Variants in CSMD1 observed in about 807,000 individuals in gnomAD.
CSMD1 encodes CUB and sushi domain-containing protein 1.
A neutral mutation model predicts 417.5 loss-of-function variants in CSMD1; 213 were observed. The ratio of observed to expected loss-of-function variants is 0.51; its 90% confidence interval spans 0.46 to 0.57. The LOEUF (loss-of-function observed/expected upper bound fraction) is 0.57. CSMD1 is among the 20% of genes least tolerant of loss of function. The pLI is 0.00. For missense variants in CSMD1, 6,923 were observed against 4,529.7 expected, an observed-to-expected ratio of 1.53 and a Z score of -15.17; for synonymous variants, 2,862 against 1,736.8, an observed-to-expected ratio of 1.65 and a Z score of -16.11.
intron 2 of CSMD1, among the ~76,000 whole-genome samples, chr8:4,526,297 G>C (rs1367505465): frequency 6.6e-6 from 1 of 152,176 alleles, no homozygotes; most frequent in Non-Finnish European, 1.5e-5. Context: ...CTACATAATA[G>C]GAAATGTATT....
intron 6 of CSMD1, among the ~76,000 whole-genome samples, chr8:3,751,326 G>A (rs868136182): frequency 0.031 from 4,125 of 132,854 alleles, 164 homozygotes; most frequent in African/African-American, 0.084. Context: ...GTGTGTGTGT[G>A]TATATATATA....
At position 3,142,665 on chromosome 8, in the gene CSMD1, A is replaced by G; in HGVS notation, c.6041T>C (p.Ile2014Thr). 1 of 1,612,058 alleles carries G rather than the reference A, an allele frequency of 6.2e-7. No homozygotes were observed. The highest frequency in any genetic ancestry group is 1.3e-5 in the African/African-American group (1 of 75,036). Residue 2014 changes from isoleucine (I) to threonine (T), a missense_variant, in exon 41 of 70, where the codon ATT (isoleucine) becomes ACT (threonine). Transcript: ENST00000635120. ...TTCGGTAGAAAAATTCAGAAACTGA[A>G]TATGTGCACCTATGGAAAAACATGC... ...ISLPIGYGAH[I>T]QFLNFSTEAN...
chr8:3,953,334 A>T (rs941939833), intron 5 of CSMD1, among the ~76,000 whole-genome samples: 18 of 152,220 alleles, frequency 1.2e-4, no homozygotes, highest in African/African-American at 4.3e-4. Context: ...TATATTTTAC[A>T]TAGTATGTAT....
intron 50 of CSMD1, among the ~76,000 whole-genome samples, chr8:3,031,750 A>G (rs1810354211): frequency 6.6e-6 from 1 of 151,946 alleles, no homozygotes; most frequent in Non-Finnish European, 1.5e-5. Context: ...TTGAGCTGAT[A>G]CCATCTACAG....
rs187651931 is a variant in CSMD1 at position 4,149,849 on chromosome 8, T to C, written c.416-117750A>G. Among the ~76,000 whole-genome samples the C allele has an allele frequency of 5.3e-5, 8 of 152,324 alleles. No homozygotes were observed. The East Asian group carries it at 1.5e-3, about 29-fold the overall frequency. On this transcript the variant is annotated intron_variant, in intron 3 of 69. Transcript: ENST00000635120. ...TTAATTGGTTCATTCTCTTTATAAA[T>C]TAAATGCATAATGATTATTTGTAAG... is the stretch of plus-strand genomic sequence containing the variant.
At chr8:3,952,037 G>A (rs7004143) in intron 5 of CSMD1, among the ~76,000 whole-genome samples, 2 of 152,110 alleles carry the variant, frequency 1.3e-5, no homozygotes, top group African/African-American at 4.8e-5. Context: ...AAAAGATACT[G>A]ACCTAGGTAA....
intron 3 of CSMD1, among the ~76,000 whole-genome samples, chr8:4,064,097 C>G (rs1799119417): frequency 6.6e-6 from 1 of 152,176 alleles, no homozygotes; most frequent in Non-Finnish European, 1.5e-5. Context: ...TGCGAATCTA[C>G]TCTCCTGCAG....
intron 1 of CSMD1, 115 bp downstream of exon 1, chr8:4,994,217 G>T: frequency 2.3e-6 from 2 of 874,382 alleles, no homozygotes; most frequent in Non-Finnish European, 3.6e-6. Context: ...ATGGAGCAGC[G>T]CCGGGCAGAG....
intron 3 of CSMD1, among the ~76,000 whole-genome samples, chr8:4,254,319 A>T (rs1176903680): frequency 1.3e-5 from 2 of 152,240 alleles, no homozygotes; most frequent in East Asian, 1.9e-4. Flanking sequence ...TCGATTATTG[A>T]TAACATTCGT....
At chr8:3,835,380 A>G (rs1229042470) in intron 5 of CSMD1, among the ~76,000 whole-genome samples, 1 of 152,072 alleles carries the variant, frequency 6.6e-6, no homozygotes, top group African/African-American at 2.4e-5. Context: ...ATGGAATACT[A>G]CGCAGCCATA....
intron 12 of CSMD1, among the ~76,000 whole-genome samples, chr8:3,440,870 G>C (rs746063085): frequency 2.0e-5 from 3 of 152,204 alleles, no homozygotes; most frequent in Admixed American, 2.0e-4. Context: ...ATGAACAGAC[G>C]TTACAGCAGG....
chr8:3,653,414 T>C (rs1400316129), intron 7 of CSMD1, among the ~76,000 whole-genome samples: 1 of 152,154 alleles, frequency 6.6e-6, no homozygotes, highest in Non-Finnish European at 1.5e-5. Context: ...ATTCAAACGA[T>C]TGTCCTGCCT....
At chr8:4,919,215 G>A (rs902308560) in intron 1 of CSMD1, among the ~76,000 whole-genome samples, 2 of 152,236 alleles carry the variant, frequency 1.3e-5, no homozygotes, top group South Asian at 2.1e-4. Flanking sequence ...AAAACACTTT[G>A]TAATTTAGTC....
chr8:3,944,086 GAGAA>G (rs1428390959), intron 5 of CSMD1, among the ~76,000 whole-genome samples: 1 of 152,134 alleles, frequency 6.6e-6, no homozygotes, highest in African/African-American at 2.4e-5. Flanking sequence ...AATATACAGT[GAGAA>G]AGAATAAAGC....
intron 1 of CSMD1, among the ~76,000 whole-genome samples, chr8:4,726,100 C>G (rs1585004371): frequency 6.6e-6 from 1 of 152,120 alleles, no homozygotes; most frequent in Non-Finnish European, 1.5e-5. Flanking sequence ...ACAGAACGCA[C>G]ATATAACACA....
At chr8:4,557,986 G>A (rs1053359233) in intron 2 of CSMD1, among the ~76,000 whole-genome samples, 3 of 152,114 alleles carry the variant, frequency 2.0e-5, no homozygotes, top group African/African-American at 7.2e-5. Flanking sequence ...TTTTACTACA[G>A]TGACCAGCTG....
chr8:3,763,132 T>C (rs1468829540), intron 5 of CSMD1, among the ~76,000 whole-genome samples: 3 of 152,304 alleles, frequency 2.0e-5, no homozygotes, highest in East Asian at 1.9e-4. Context: ...TCAATGCACA[T>C]TGGCTGAATA....
At chr8:4,237,005 A>T (rs1248216930) in intron 3 of CSMD1, among the ~76,000 whole-genome samples, 1 of 152,228 alleles carries the variant, frequency 6.6e-6, no homozygotes, top group Admixed American at 6.5e-5. Context: ...ACAAGATCTT[A>T]AATCGCGCTC....
intron 3 of CSMD1, among the ~76,000 whole-genome samples, chr8:4,391,124 T>C (rs1803823030): frequency 6.6e-6 from 1 of 152,214 alleles, no homozygotes; most frequent in Non-Finnish European, 1.5e-5. Flanking sequence ...TCTGTGTTTC[T>C]CTAGGGACCC....
Sources: gnomAD v4.1 joint callset for allele counts (sites outside exome capture counted in the v4.1 genomes callset) on GRCh38, gnomAD v4.1.1 for gene constraint, MANE v1.5 for transcripts, NCBI Gene and HGNC (gene_info 2026-07-23, HGNC 2026-07-21) for gene names.